Variants in APLP2 observed in about 807,000 individuals in gnomAD.
APLP2 encodes the protein CDEI box-binding protein.
Under a neutral mutation model 89.9 loss-of-function variants are expected in APLP2, and 53 were observed. That is an observed-to-expected ratio of 0.59 (90% confidence interval 0.47 to 0.74). APLP2 has a LOEUF of 0.74. Among genes scored for constraint, APLP2 ranks in the 30% least tolerant of loss-of-function variants. APLP2 has a pLI of 0.00. For synonymous variants in APLP2, 372 were observed against 348.6 expected (o/e 1.07, Z -0.75); for missense variants, 973 against 975.9 (o/e 1.00, Z 0.04).
At chr11:130,133,039 G>GT (rs1951107635) in intron 11 of APLP2, among the ~76,000 whole-genome samples, 1 of 150,544 alleles carries the variant, frequency 6.6e-6, no homozygotes, top group African/African-American at 2.5e-5. Flanking sequence ...AAATCCAGTA[G>GT]CTAGTGGCCA....
In APLP2 at chr11:130,121,635, A is replaced by G. The variant is rs773429340; in HGVS notation, c.538A>G (p.Thr180Ala). ...VKEACLTQGM[T>A]LYSYGMLLPC... Reference sequence around the variant, plus strand: ...TTAGGCATGTCTGACTCAGGGAATGACCTTATATAGCTACGGCATGCTGCT... The same window carrying G: ...TTAGGCATGTCTGACTCAGGGAATGGCCTTATATAGCTACGGCATGCTGCT... Residue 180 changes from threonine to alanine, a missense_variant, in exon 5 of 17, where the codon ACC becomes GCC. Coordinates refer to ENST00000338167, the MANE Select transcript of APLP2 (RefSeq NM_001142276.2). 4.3e-6 allele frequency: 7 copies of G among 1,613,814 alleles called. No individual in the cohort carries two copies. The highest frequency in any genetic ancestry group is 5.9e-6 in the Non-Finnish European group (7 of 1,179,928).
At position 130,113,329 on chromosome 11, in the gene APLP2, C is replaced by A. The variant is rs576280386; in HGVS notation, c.403+2668C>A. Among the ~76,000 whole-genome samples, 50 of 152,300 alleles carry A rather than the reference C, an allele frequency of 3.3e-4. 1 individual carries two copies. The South Asian group carries it at 5.6e-3, about 17-fold the overall frequency. ...TTTGTTAGCATGTTACAGAACCAAG[C>A]AATAGTATTGTCGTTAATGAAATGC... On this transcript the variant is annotated intron_variant, in intron 3 of 16. Transcript: ENST00000338167.
intron 1 of APLP2, among the ~76,000 whole-genome samples, chr11:130,102,495 G>A (rs986679532): frequency 9.2e-5 from 14 of 152,178 alleles, no homozygotes; most frequent in African/African-American, 3.4e-4. Context: ...CATGTTCATG[G>A]GAAGATGCTC....
intron 11 of APLP2, among the ~76,000 whole-genome samples, chr11:130,132,313 G>A (rs747931186): frequency 6.6e-6 from 1 of 152,096 alleles, no homozygotes; most frequent in Non-Finnish European, 1.5e-5. Context: ...TGCTTTGAAA[G>A]GTCAGAGAGA....
chr11:130,115,146 C>G (rs1949025790), intron 3 of APLP2, among the ~76,000 whole-genome samples: 1 of 152,070 alleles, frequency 6.6e-6, no homozygotes, highest in South Asian at 2.1e-4. Context: ...TTTACCAGCT[C>G]CCTAAATTAC....
At position 130,123,391 on chromosome 11, in the gene APLP2, A is replaced by C. The variant is rs893693479; in HGVS notation, c.923-221A>C. Among the ~76,000 whole-genome samples the C allele has an allele frequency of 6.6e-6, 1 of 152,220 alleles. No homozygotes were observed. Among genetic ancestry groups the C allele is most frequent in the Non-Finnish European group, 1.5e-5 (1 of 68,034 alleles). On this transcript the variant is annotated intron_variant, in intron 6 of 16. Transcript: ENST00000338167. The surrounding 1 kb of genome is among the most constrained non-coding windows in gnomAD (Gnocchi z 4.0). ...CAGATCTAGACTCCAGAGGGTGCCAAAAAAATATTTATCCCAGTTCCTAAA... is the reference window on the plus strand; with the variant it reads ...CAGATCTAGACTCCAGAGGGTGCCACAAAAATATTTATCCCAGTTCCTAAA...
In APLP2 at chr11:130,119,249, T is replaced by C. The variant is rs376267950; in HGVS notation, c.404-1457T>C. Among the ~76,000 whole-genome samples, 20 of 152,342 alleles carry C rather than the reference T, an allele frequency of 1.3e-4. No homozygotes were observed. In the East Asian group the frequency reaches 3.1e-3, roughly 24 times the overall value. ...TTCCTGCCACTGCTTCCTGCATCTC[T>C]TCCTGGGCTAAGCACCCTTCTCGCC... On this transcript the variant is annotated intron_variant, in intron 3 of 16. Coordinates refer to ENST00000338167, the MANE Select transcript of APLP2 (RefSeq NM_001142276.2).
intron 1 of APLP2, chr11:130,109,072 A>G (rs1185793699): frequency 2.6e-5 from 4 of 153,102 alleles, no homozygotes; most frequent in Non-Finnish European, 5.8e-5. Context: ...GGGGGGAGGG[A>G]TAGCATTAGG....
At chr11:130,074,979 C>G (rs564283724) in intron 1 of APLP2, among the ~76,000 whole-genome samples, 9 of 151,976 alleles carry the variant, frequency 5.9e-5, no homozygotes, top group African/African-American at 2.2e-4. Context: ...ACTAGATTAC[C>G]TTGAAGTTTA....
At chr11:130,099,879 G>A (rs1395546107) in intron 1 of APLP2, among the ~76,000 whole-genome samples, 1 of 152,320 alleles carries the variant, frequency 6.6e-6, no homozygotes, top group Middle Eastern at 3.4e-3. Flanking sequence ...TGATGCTAAC[G>A]TGCTTGCTCT....
chr11:130,085,392 C>T (rs1447953323), intron 1 of APLP2, among the ~76,000 whole-genome samples: 1 of 151,898 alleles, frequency 6.6e-6, no homozygotes, highest in African/African-American at 2.4e-5. Flanking sequence ...GCAGAGGTTG[C>T]AGTGAGCTGA....
chr11:130,135,381 G>A (rs550101467), intron 12 of APLP2, among the ~76,000 whole-genome samples, 182 bp from the exon 13 acceptor site: 8 of 152,174 alleles, frequency 5.3e-5, no homozygotes, highest in African/African-American at 1.7e-4. Flanking sequence ...TGGATGCAGG[G>A]GTGCCTGGGA....
intron 1 of APLP2, among the ~76,000 whole-genome samples, chr11:130,083,615 TA>T (rs1943608580): frequency 6.6e-6 from 1 of 152,242 alleles, no homozygotes; most frequent in Non-Finnish European, 1.5e-5. Flanking sequence ...TTACTTAGCA[TA>T]ATGTCCTCCA....
chr11:130,104,142 C>G (rs1947321956), intron 1 of APLP2, among the ~76,000 whole-genome samples: 2 of 150,546 alleles, frequency 1.3e-5, no homozygotes, highest in Non-Finnish European at 3.0e-5. Context: ...TTTTTCTCGA[C>G]ACACAATCCA....
intron 1 of APLP2, chr11:130,101,578 A>T (rs1946939259): frequency 6.0e-6 from 1 of 166,690 alleles, no homozygotes; most frequent in Non-Finnish European, 1.3e-5. Context: ...TCTCTTTTTG[A>T]CAGATGAGAC....
intron 1 of APLP2, among the ~76,000 whole-genome samples, chr11:130,103,267 CA>C (rs1947179548): frequency 6.6e-6 from 1 of 152,210 alleles, no homozygotes; most frequent in Admixed American, 6.5e-5. Context: ...ACTCCTAAAA[CA>C]TGGTCCACAG....
Position 130,126,813 on chromosome 11 carries a change from C to G in APLP2, c.1204C>G (p.Arg402Gly). Residue 402 changes from arginine (R) to glycine (G), a missense_variant, in exon 8 of 17, where the codon CGC (arginine) becomes GGC (glycine). Physicochemically the swap from Arg to Gly is moderately radical, Grantham distance 125. Coordinates refer to ENST00000338167, the MANE Select transcript of APLP2 (RefSeq NM_001142276.2). ...TAAGGAGCAGCTGGAGATTCGGCACCGCAACCGAATGGACAGGGTAAACCT... is the reference window on the plus strand; with the variant it reads ...TAAGGAGCAGCTGGAGATTCGGCACGGCAACCGAATGGACAGGGTAAACCT... Reference protein sequence around the residue: ...KAKEQLEIRHRNRMDRVKKEW... With the variant: ...KAKEQLEIRHGNRMDRVKKEW... The G allele has an allele frequency of 1.9e-6, 3 of 1,614,176 alleles. No homozygotes were observed. Among genetic ancestry groups the G allele is most frequent in the Non-Finnish European group, 2.5e-6 (3 of 1,180,036 alleles).
chr11:130,135,443 G>A (rs1951456982), intron 12 of APLP2, 120 bp from the exon 13 acceptor site: 1 of 1,184,552 alleles, frequency 8.4e-7, no homozygotes, highest in Non-Finnish European at 1.2e-6. Context: ...CAGAATCAAG[G>A]AAGGTGTTTC....
At chr11:130,093,019 C>T (rs530332608) in intron 1 of APLP2, among the ~76,000 whole-genome samples, 1 of 152,172 alleles carries the variant, frequency 6.6e-6, no homozygotes, top group East Asian at 1.9e-4. Context: ...AGCATTTAGC[C>T]CCCTGAATAC....
Sources: gnomAD v4.1 joint callset for allele counts (sites outside exome capture counted in the v4.1 genomes callset) on GRCh38, gnomAD v4.1.1 for gene constraint, Gnocchi (gnomAD v3.1) non-coding constraint, MANE v1.5 for transcripts, NCBI Gene and HGNC (gene_info 2026-07-23, HGNC 2026-07-21) for gene names.